KAZN: variants seen among roughly 807,000 people sequenced by gnomAD.
KAZN encodes the protein kazrin, periplakin interacting protein.
A neutral mutation model predicts 87.4 loss-of-function variants in KAZN; 40 were observed. The observed-to-expected ratio is 0.46, with a 90% CI of 0.36 to 0.60. The LOEUF is 0.60. Ranked by LOEUF, KAZN falls within the 20% of genes least tolerant of loss-of-function variation. KAZN has a pLI of 0.00. For synonymous variants in KAZN, 466 were observed against 458.3 expected (o/e 1.02, Z -0.22); for missense variants, 898 against 1,073.9 (o/e 0.84, Z 2.29).
intron 1 of KAZN, among the ~76,000 whole-genome samples, chr1:14,796,266 G>T (rs1282374152): frequency 6.6e-6 from 1 of 152,086 alleles, no homozygotes; most frequent in African/African-American, 2.4e-5. Context: ...GTCCTCTCAG[G>T]CACCCTCTCC....
chr1:14,570,756 G>T (rs899993193), intron 2 of KAZN, among the ~76,000 whole-genome samples: 10 of 152,146 alleles, frequency 6.6e-5, no homozygotes, highest in Non-Finnish European at 1.5e-4. Flanking sequence ...TCATAGAATC[G>T]CTGAGTCATA....
chr1:14,886,457 C>CAG (rs1309636250), intron 1 of KAZN, among the ~76,000 whole-genome samples: 1 of 151,478 alleles, frequency 6.6e-6, no homozygotes, highest in African/African-American at 2.4e-5. Context: ...CACACACACA[C>CAG]ACACACAGAG....
intron 2 of KAZN, among the ~76,000 whole-genome samples, chr1:14,395,759 TAGA>T (rs1211625168): frequency 6.6e-6 from 1 of 152,108 alleles, no homozygotes; most frequent in East Asian, 1.9e-4. Flanking sequence ...CGCGCTGAGT[TAGA>T]AGACGGATAC....
At chr1:14,630,619 G>C (rs921879975) in intron 1 of KAZN, among the ~76,000 whole-genome samples, 8 of 152,178 alleles carry the variant, frequency 5.3e-5, no homozygotes, top group African/African-American at 1.9e-4. Context: ...GCTGACTGGG[G>C]CCATGCTTTG....
chr1:14,366,598 G>A (rs965623620), intron 2 of KAZN, among the ~76,000 whole-genome samples: 4 of 152,228 alleles, frequency 2.6e-5, no homozygotes, highest in African/African-American at 9.6e-5. Context: ...ACACAAGTGT[G>A]AGCGGGTGCA....
chr1:14,501,962 G>A (rs1214015895), intron 2 of KAZN, among the ~76,000 whole-genome samples: 1 of 152,150 alleles, frequency 6.6e-6, no homozygotes, highest in East Asian at 1.9e-4. Context: ...CCAAGGGAGG[G>A]GAGAATGAAG....
intron 2 of KAZN, among the ~76,000 whole-genome samples, chr1:14,272,870 TAAAATA>T (rs942510362): frequency 3.3e-5 from 5 of 151,488 alleles, no homozygotes; most frequent in African/African-American, 4.8e-5. Context: ...AAACAAAAAA[TAAAATA>T]AAAATAAAAA....
chr1:14,100,156 T>C (rs1644217360), intron 1 of KAZN, among the ~76,000 whole-genome samples: 2 of 152,146 alleles, frequency 1.3e-5, no homozygotes, highest in Admixed American at 6.5e-5. Context: ...TATGGCACTG[T>C]TGTTTATCGG....
chr1:14,979,328 G>A (rs76606620), intron 2 of KAZN, among the ~76,000 whole-genome samples: 27,508 of 151,736 alleles, frequency 0.18, 2,735 homozygotes, highest in African/African-American at 0.24. Flanking sequence ...AGAATTGCTT[G>A]AACCCAGGAG....
At chr1:14,398,048 G>C (rs924119966) in intron 2 of KAZN, among the ~76,000 whole-genome samples, 4 of 152,122 alleles carry the variant, frequency 2.6e-5, no homozygotes, top group Non-Finnish European at 5.9e-5. Context: ...GCACAAGTGA[G>C]TCTAGCCAAG....
chr1:15,063,673 C>G, intron 7 of KAZN, 51 bp downstream of exon 7: 1 of 1,425,260 alleles, frequency 7.0e-7, no homozygotes, highest in Non-Finnish European at 9.9e-7. Context: ...CCCACCTTGA[C>G]TACAACTTCA....
At chr1:14,523,713 A>G (rs547600528) in intron 2 of KAZN, among the ~76,000 whole-genome samples, 1 of 152,310 alleles carries the variant, frequency 6.6e-6, no homozygotes, top group East Asian at 1.9e-4. Flanking sequence ...CACGCAGGTG[A>G]CAGCAGGAAG....
At chr1:14,068,045 A>G (rs35539774) in intron 1 of KAZN, among the ~76,000 whole-genome samples, 20,012 of 152,124 alleles carry the variant, frequency 0.13, 1,815 homozygotes, top group African/African-American at 0.26. Flanking sequence ...CCTGGATGGC[A>G]TGCCAACTCC....
Position 15,054,651 on chromosome 1 carries a change from C to CA in KAZN, c.727-1426dup, listed in dbSNP as rs1228132414. On this transcript the variant is annotated intron_variant, in intron 4 of 14. Transcript: ENST00000376030. ...TGGGCAACAGAGTGAGACTCCATCT[C>CA]AAAAAAAAAAAAAAGAAGAAGAAGA... 2.3e-3 allele frequency among the ~76,000 whole-genome samples: 268 copies of CA among 114,900 alleles called. 2 individuals are homozygous for CA. Among genetic ancestry groups the CA allele is most frequent in the East Asian group, 5.8e-3 (23 of 3,958 alleles). 75.4% of individuals were successfully genotyped at this position (114,900 alleles called of 152,430 possible).
At chr1:14,536,163 G>A (rs1672492969) in intron 2 of KAZN, among the ~76,000 whole-genome samples, 1 of 152,194 alleles carries the variant, frequency 6.6e-6, no homozygotes, top group African/African-American at 2.4e-5. Context: ...TATTAGTAAT[G>A]ACCAAGGGTT....
At chr1:14,728,154 C>T (rs1347681583) in intron 1 of KAZN, among the ~76,000 whole-genome samples, 3 of 151,680 alleles carry the variant, frequency 2.0e-5, no homozygotes, top group East Asian at 2.0e-4. Flanking sequence ...GGTATGGTTG[C>T]GTGCACCTGT....
At chr1:14,046,432 C>A (rs113326684) in intron 1 of KAZN, among the ~76,000 whole-genome samples, 2 of 151,654 alleles carry the variant, frequency 1.3e-5, no homozygotes, top group African/African-American at 4.8e-5. Flanking sequence ...CAAAGCAAAA[C>A]CAAAAATAAA....
intron 2 of KAZN, among the ~76,000 whole-genome samples, chr1:14,386,592 T>C (rs1661914745): frequency 6.6e-6 from 1 of 152,084 alleles, no homozygotes; most frequent in African/African-American, 2.4e-5. Flanking sequence ...TGGCTGGATA[T>C]GAAATTCGGG....
chr1:14,883,149 G>A (rs1280650758), intron 1 of KAZN, among the ~76,000 whole-genome samples: 1 of 151,660 alleles, frequency 6.6e-6, no homozygotes, highest in Non-Finnish European at 1.5e-5. Context: ...TACAAAATTA[G>A]CTGGGCGTGA....
Sources: gnomAD v4.1 joint callset for allele counts (sites outside exome capture counted in the v4.1 genomes callset) on GRCh38, gnomAD v4.1.1 for gene constraint, MANE v1.5 for transcripts, NCBI Gene and HGNC (gene_info 2026-07-23, HGNC 2026-07-21) for gene names.